Variants in TRRAP observed in about 807,000 individuals in gnomAD.
The protein encoded by TRRAP is transformation/transcription domain-associated protein.
In TRRAP, 41 loss-of-function variants were observed where a neutral mutation model predicts 438.8. The observed-to-expected ratio is 0.09, with a 90% CI of 0.07 to 0.12. The LOEUF (loss-of-function observed/expected upper bound fraction) is 0.12, where lower values mean the gene tolerates loss of function less well. Among genes scored for constraint, TRRAP ranks in the 10% least tolerant of loss-of-function variants. The probability of loss-of-function intolerance (pLI) is 1.00; values close to 1 mark genes in which losing one functional copy is unlikely to be tolerated. For missense variants in TRRAP, 3,122 were observed against 5,055.1 expected (o/e 0.62, Z 11.60); for synonymous variants, 1,994 against 1,962.9 (o/e 1.02, Z -0.42).
Position 99,008,536 on chromosome 7 carries a change from C to G in TRRAP, c.10913C>G (p.Ala3638Gly). The change falls in exon 70 of 73, where the codon GCG (alanine) becomes GGG (glycine). Residue 3638 changes from alanine to glycine, a missense_variant. By Grantham distance (60) the Ala-to-Gly change is moderately conservative (BLOSUM62 0). Coordinates refer to ENST00000456197, the MANE Select transcript of TRRAP (RefSeq NM_001375524.1). ...RYYDRLATVQ[A>G]RGTQASHQVL... ...TATGACCGGCTGGCTACGGTGCAGGCGCGGGGAACCCAAGCCAGCCACCAG... is the reference window on the plus strand; with the variant it reads ...TATGACCGGCTGGCTACGGTGCAGGGGCGGGGAACCCAAGCCAGCCACCAG... 6.2e-7 allele frequency: 1 copy of G among 1,613,770 alleles called. No homozygotes were observed. Among genetic ancestry groups the G allele is most frequent in the Non-Finnish European group, 8.5e-7 (1 of 1,180,008 alleles).
At chr7:98,906,868 A>G (rs1048986589) in intron 13 of TRRAP, among the ~76,000 whole-genome samples, 7 of 152,092 alleles carry the variant, frequency 4.6e-5, no homozygotes, top group Admixed American at 1.3e-4. Context: ...TGCTTTTTGT[A>G]TAATGCATCT....
chr7:98,897,843 C>G lies in TRRAP; in HGVS notation c.610C>G (p.Arg204Gly). 2 of 1,613,946 alleles carry G rather than the reference C, an allele frequency of 1.2e-6. No individual in the cohort carries two copies. Among genetic ancestry groups the G allele is most frequent in the South Asian group, 1.1e-5 (1 of 91,056 alleles). Residue 204 changes from arginine (R) to glycine (G), a missense_variant, in exon 8 of 73, where the codon CGT (arginine) becomes GGT (glycine). Arg to Gly is a moderately radical substitution (Grantham distance 125). Around this residue, in one of 24 missense-constraint regions of TRRAP, gnomAD observed 343 missense variants for 564.0 expected, o/e 0.61. Transcript: ENST00000456197. ...TTIAVKVNPE[R>G]EDSETRTHSI... Reference sequence around the variant, plus strand: ...GATTGCTGTGAAAGTCAACCCGGAGCGTGAGGACAGTGAGACTCGAACAGT... The same window carrying G: ...GATTGCTGTGAAAGTCAACCCGGAGGGTGAGGACAGTGAGACTCGAACAGT...
At chr7:98,964,800 T>C in intron 48 of TRRAP, 25 bp downstream of exon 48, 2 of 1,603,372 alleles carry the variant, frequency 1.2e-6, no homozygotes, top group Non-Finnish European at 1.7e-6. Context: ...ACCGGGGGCC[T>C]TTCCTCAGAC....
chr7:98,937,907 GTT>G, intron 30 of TRRAP, 87 bp downstream of exon 30: 3 of 1,394,244 alleles, frequency 2.2e-6, no homozygotes, highest in Non-Finnish European at 2.8e-6. Context: ...GGGCACAGTG[GTT>G]CACGCCTGTA....
chr7:98,930,977 A>AG, intron 25 of TRRAP, 147 bp downstream of exon 25: 1 of 1,093,460 alleles, frequency 9.1e-7, no homozygotes, highest in Non-Finnish European at 1.3e-6. Context: ...CTTCACTAAA[A>AG]GGACAGCTCA....
chr7:98,959,395 C>A lies in TRRAP; in HGVS notation c.6394C>A (p.Arg2132=). The A allele has an allele frequency of 6.2e-7, 1 of 1,614,102 alleles. No homozygotes were observed. Among genetic ancestry groups the A allele is most frequent in the South Asian group, 1.1e-5 (1 of 91,064 alleles). The change falls in exon 45 of 73, where the codon CGG becomes AGG. Residue 2132 remains arginine, a synonymous_variant. Coordinates refer to ENST00000456197, the MANE Select transcript of TRRAP (RefSeq NM_001375524.1). ...AGSPGEVLSR[R]CVNLLKTALR... ...GTCCCCTGGGGAGGTGCTCTCTCGC[C>A]GGTGTGTGAACCTTCTGAAGACTGC...
At chr7:98,975,182 G>A (rs981787809) in intron 53 of TRRAP, among the ~76,000 whole-genome samples, 1 of 152,210 alleles carries the variant, frequency 6.6e-6, no homozygotes, top group African/African-American at 2.4e-5. Flanking sequence ...ACTTAGGAGC[G>A]TTCTTTACCT....
intron 35 of TRRAP, 61 bp from the exon 36 acceptor site, chr7:98,949,356 C>T: frequency 7.0e-7 from 1 of 1,430,974 alleles, no homozygotes; most frequent in Non-Finnish European, 9.2e-7. Flanking sequence ...ACATTCATAT[C>T]CTCTAACTTT....
chr7:98,915,278 TG>T (rs1554409400), intron 18 of TRRAP, among the ~76,000 whole-genome samples: 1 of 152,094 alleles, frequency 6.6e-6, no homozygotes, highest in East Asian at 1.9e-4. Context: ...CTGCAACCTC[TG>T]CCTCCTGGGC....
chr7:98,939,377 C>T (rs1790694144), intron 30 of TRRAP, among the ~76,000 whole-genome samples: 1 of 152,086 alleles, frequency 6.6e-6, no homozygotes, highest in Non-Finnish European at 1.5e-5. Flanking sequence ...TATTTATCTA[C>T]ACATGGAATG....
At chr7:98,970,044 G>A (rs958433381) in intron 51 of TRRAP, 68 bp from the exon 52 acceptor site, 2 of 1,552,322 alleles carry the variant, frequency 1.3e-6, no homozygotes, top group Non-Finnish European at 1.8e-6. Flanking sequence ...GCATCTGGGA[G>A]AGAAGTCCAG....
chr7:98,925,375 C>T lies in TRRAP; in HGVS notation c.2975+112C>T, dbSNP rs781809525. On this transcript the variant is annotated intron_variant, in intron 22 of 72. Coordinates refer to ENST00000456197, the MANE Select transcript of TRRAP (RefSeq NM_001375524.1). The stretch of plus-strand genomic sequence containing the variant: ...TAGGAGCAGGCTCCTTGAAGTCCAG[C>T]AGATGCCATATTATCTACCTACTCC... 295 of 1,423,684 alleles carry T rather than the reference C, an allele frequency of 2.1e-4. 1 individual carries two copies. Among genetic ancestry groups the T allele is most frequent in the Non-Finnish European group, 2.7e-4 (288 of 1,054,262 alleles). The allele number at this position is 1,423,684 out of a possible 1,614,324, so 88.2% of individuals were successfully genotyped here.
At chr7:98,960,257 G>T (rs541245861) in intron 45 of TRRAP, among the ~76,000 whole-genome samples, 6 of 152,250 alleles carry the variant, frequency 3.9e-5, no homozygotes, top group African/African-American at 9.6e-5. Context: ...TTTGGTGGCT[G>T]TTTTTTTGCT....
Position 98,948,122 on chromosome 7 carries a change from G to A in TRRAP, c.4549-99G>A, listed in dbSNP as rs1791169992. The A allele has an allele frequency of 1.9e-6, 3 of 1,550,764 alleles. No homozygotes were observed. The highest frequency in any genetic ancestry group is 2.7e-5 in the African/African-American group (2 of 73,882). On this transcript the variant is annotated intron_variant, in intron 33 of 72. Coordinates refer to ENST00000456197, the MANE Select transcript of TRRAP (RefSeq NM_001375524.1). The surrounding 1 kb of genome is among the most constrained non-coding windows in gnomAD (Gnocchi z 4.9). ...ACCCTTCGCTTCACTGCCTAGCCTT[G>A]CCAACATAGTTAGACTATAGTAGGG...
intron 6 of TRRAP, among the ~76,000 whole-genome samples, chr7:98,895,393 C>T (rs1378406802): frequency 1.3e-5 from 2 of 152,294 alleles, no homozygotes; most frequent in East Asian, 3.9e-4. Flanking sequence ...GTTAATGCTC[C>T]TGTGTTAAGC....
At chr7:98,900,341 C>T (rs1436967491) in intron 10 of TRRAP, among the ~76,000 whole-genome samples, 2 of 152,124 alleles carry the variant, frequency 1.3e-5, no homozygotes, top group Non-Finnish European at 2.9e-5. Context: ...AGATGTTACT[C>T]GAATTCTTTC....
In TRRAP at chr7:98,955,150, G is replaced by A; in HGVS notation, c.5783G>A (p.Arg1928Lys). Residue 1928 changes from arginine to lysine, a missense_variant, in exon 41 of 73, where the codon AGA (arginine) becomes AAA (lysine). By Grantham distance (26) the Arg-to-Lys change is conservative. Transcript: ENST00000456197. ...GCAATGGAAGCTCGAGCGATCGTCA[G>A]ACAGGCGATGGCCATTCTGACCCCG... is the stretch of plus-strand genomic sequence containing the variant. ...AHAMEARAIV[R>K]QAMAILTPAV... 2 of 1,614,228 alleles carry A rather than the reference G, an allele frequency of 1.2e-6. No individual in the cohort carries two copies. Among genetic ancestry groups the A allele is most frequent in the African/African-American group, 1.3e-5 (1 of 75,064 alleles).
At chr7:98,937,387 A>G in intron 29 of TRRAP, 110 bp downstream of exon 29, 1 of 1,444,578 alleles carries the variant, frequency 6.9e-7, no homozygotes, top group South Asian at 1.5e-5. Flanking sequence ...TGTATGCCTA[A>G]AAGGCTTTAT....
At chr7:98,917,806 G>T (rs574359599) in intron 20 of TRRAP, 127 bp downstream of exon 20, 2 of 1,287,718 alleles carry the variant, frequency 1.6e-6, no homozygotes, top group East Asian at 2.5e-5. Context: ...ATTCATCTTC[G>T]TGAGTCTTCT....
Sources: gnomAD v4.1 joint callset for allele counts (sites outside exome capture counted in the v4.1 genomes callset) on GRCh38, gnomAD v4.1.1 for gene constraint, gnomAD v4.1.1 regional missense constraint, Gnocchi (gnomAD v3.1) non-coding constraint, MANE v1.5 for transcripts, NCBI Gene and HGNC (gene_info 2026-07-23, HGNC 2026-07-21) for gene names.